The following ULK4 variants were observed in gnomAD, a reference collection of about 807,000 sequenced individuals.
ULK4 encodes unc-51 like kinase 4, also known as inactive serine/threonine-protein kinase ULK4.
ULK4 carries 133 observed loss-of-function variants against 160.6 expected under a neutral mutation model. The observed-to-expected ratio is 0.83, with a 90% CI of 0.72 to 0.96. The LOEUF (loss-of-function observed/expected upper bound fraction) is 0.96. ULK4 is among the 40% of genes least tolerant of loss of function. The probability of loss-of-function intolerance (pLI) is 0.00; values close to 1 mark genes in which losing one functional copy is unlikely to be tolerated. For synonymous variants in ULK4, 534 were observed against 539.8 expected, an observed-to-expected ratio of 0.99 and a Z score of 0.15; for missense variants, 1,580 against 1,499.5, an observed-to-expected ratio of 1.05 and a Z score of -0.89.
At position 41,351,282 on chromosome 3, in the gene ULK4, T is replaced by C. The variant is rs373727110; in HGVS notation, c.3678+46797A>G. ...AGAGGGAAATATGACTTCTGTGGGATTGGTAGTGGATGGCCTAGTGCCAGA... is the reference window on the plus strand; with the variant it reads ...AGAGGGAAATATGACTTCTGTGGGACTGGTAGTGGATGGCCTAGTGCCAGA... On this transcript the variant is annotated intron_variant, in intron 35 of 36. Coordinates refer to ENST00000301831, the MANE Select transcript of ULK4 (RefSeq NM_017886.4). 2.0e-4 allele frequency among the ~76,000 whole-genome samples: 31 copies of C among 152,236 alleles called. No individual in the cohort carries two copies. In the South Asian group the frequency reaches 5.8e-3, roughly 28 times the overall value.
intron 21 of ULK4, among the ~76,000 whole-genome samples, chr3:41,781,172 G>T (rs1470700914): frequency 2.0e-5 from 3 of 152,060 alleles, no homozygotes; most frequent in Non-Finnish European, 4.4e-5. Context: ...ACAGATATCT[G>T]ATTGAAACAG....
intron 27 of ULK4, among the ~76,000 whole-genome samples, chr3:41,703,691 T>C (rs933596495): frequency 6.6e-6 from 1 of 151,838 alleles, no homozygotes; most frequent in African/African-American, 2.4e-5. Flanking sequence ...ATTAGCAAAA[T>C]GAAACAATGG....
At chr3:41,423,712 G>C (rs137930937) in intron 34 of ULK4, among the ~76,000 whole-genome samples, 238 of 152,210 alleles carry the variant, frequency 1.6e-3, no homozygotes, top group Non-Finnish European at 2.7e-3. Context: ...CTACGCGGTT[G>C]TCTTGACCCA....
At chr3:41,701,461 C>A (rs1208551725) in intron 27 of ULK4, among the ~76,000 whole-genome samples, 2 of 152,056 alleles carry the variant, frequency 1.3e-5, no homozygotes, top group East Asian at 1.9e-4. Context: ...AAAAATAATA[C>A]CAAAAACAAC....
intron 35 of ULK4, among the ~76,000 whole-genome samples, chr3:41,376,253 C>T (rs1424783720): frequency 6.7e-6 from 1 of 150,120 alleles, no homozygotes; most frequent in Non-Finnish European, 1.5e-5. Context: ...TACCATTTGA[C>T]CCAGCAATCC....
chr3:41,657,613 T>C (rs1309812539), intron 30 of ULK4, among the ~76,000 whole-genome samples: 1 of 150,122 alleles, frequency 6.7e-6, no homozygotes, highest in African/African-American at 2.5e-5. Flanking sequence ...AGGTTAGGAG[T>C]TCAAGACCAG....
At chr3:41,867,123 C>T (rs1399647459) in intron 17 of ULK4, among the ~76,000 whole-genome samples, 4 of 152,150 alleles carry the variant, frequency 2.6e-5, no homozygotes, top group Admixed American at 6.5e-5. Context: ...TGTTACTTAT[C>T]GAGTTCATTG....
chr3:41,651,226 A>G (rs927355633), intron 30 of ULK4, among the ~76,000 whole-genome samples: 2 of 152,110 alleles, frequency 1.3e-5, no homozygotes, highest in Admixed American at 1.3e-4. Flanking sequence ...GTCCCTGAAA[A>G]TTGGGGGCTT....
intron 34 of ULK4, among the ~76,000 whole-genome samples, chr3:41,405,516 C>T (rs779573255): frequency 3.9e-4 from 59 of 152,134 alleles, no homozygotes; most frequent in Non-Finnish European, 7.6e-4. Flanking sequence ...CTGAGTCAAA[C>T]AGTAATTCTG....
chr3:41,601,374 T>TC (rs1432791321), intron 31 of ULK4, among the ~76,000 whole-genome samples: 4 of 152,166 alleles, frequency 2.6e-5, no homozygotes, highest in African/African-American at 7.2e-5. Context: ...AAGACACATC[T>TC]CCTTTATGGA....
chr3:41,771,316 T>C (rs1308165326), intron 21 of ULK4, among the ~76,000 whole-genome samples: 1 of 152,218 alleles, frequency 6.6e-6, no homozygotes, highest in Non-Finnish European at 1.5e-5. Context: ...ATTCTGGAAC[T>C]TTCTGTAAAC....
At chr3:41,317,061 C>CTTTTTTTTTT (rs1170201981) in intron 35 of ULK4, among the ~76,000 whole-genome samples, 10 of 92,158 alleles carry the variant, frequency 1.1e-4, no homozygotes, top group African/African-American at 3.9e-4. Flanking sequence ...GCAATTACAT[C>CTTTTTTTTTT]TATTTTTTTT....
intron 19 of ULK4, among the ~76,000 whole-genome samples, chr3:41,803,603 T>G (rs1449606873): frequency 1.3e-5 from 2 of 152,164 alleles, no homozygotes; most frequent in Admixed American, 6.6e-5. Context: ...TCATTTAACA[T>G]TAGGTATATC....
At chr3:41,543,857 G>A (rs2086771068) in intron 32 of ULK4, among the ~76,000 whole-genome samples, 1 of 152,020 alleles carries the variant, frequency 6.6e-6, no homozygotes, top group Non-Finnish European at 1.5e-5. Context: ...TTCAACTTCT[G>A]AATTTCCATT....
intron 21 of ULK4, among the ~76,000 whole-genome samples, chr3:41,787,390 G>T (rs75634018): frequency 6.6e-6 from 1 of 152,244 alleles, no homozygotes; most frequent in East Asian, 1.9e-4. Context: ...AGGAGTCCTG[G>T]TGGAAAGCCT....
intron 27 of ULK4, among the ~76,000 whole-genome samples, chr3:41,686,972 C>A (rs927013753): frequency 2.0e-5 from 3 of 152,138 alleles, no homozygotes; most frequent in Admixed American, 6.5e-5. Context: ...AATCCCAGCA[C>A]TTTGGGAGTG....
At chr3:41,329,821 G>GA (rs1386163053) in intron 35 of ULK4, among the ~76,000 whole-genome samples, 1 of 152,054 alleles carries the variant, frequency 6.6e-6, no homozygotes, top group African/African-American at 2.4e-5. Flanking sequence ...TCATTTGAGT[G>GA]AAAAAATAAA....
intron 5 of ULK4, among the ~76,000 whole-genome samples, chr3:41,926,497 G>C (rs1440827686): frequency 6.6e-6 from 1 of 152,166 alleles, no homozygotes; most frequent in Non-Finnish European, 1.5e-5. Context: ...TGGAGAACGA[G>C]TTTGCCAAAT....
intron 25 of ULK4, among the ~76,000 whole-genome samples, chr3:41,713,194 T>C (rs1194298714): frequency 1.3e-5 from 2 of 152,214 alleles, no homozygotes; most frequent in African/African-American, 2.4e-5. Flanking sequence ...TAATTTGCAA[T>C]GTACATTTCT....
Sources: gnomAD v4.1 joint callset for allele counts (sites outside exome capture counted in the v4.1 genomes callset) on GRCh38, gnomAD v4.1.1 for gene constraint, MANE v1.5 for transcripts, NCBI Gene and HGNC (gene_info 2026-07-23, HGNC 2026-07-21) for gene names.